CTNNA2: variants seen among roughly 807,000 people sequenced by gnomAD.
CTNNA2 encodes catenin alpha-2.
CTNNA2 carries 42 observed loss-of-function variants against 101.0 expected under a neutral mutation model. That is an observed-to-expected ratio of 0.42 (90% CI 0.32 to 0.54). CTNNA2 has a LOEUF of 0.54. Ranked by LOEUF, CTNNA2 falls within the 20% of genes least tolerant of loss-of-function variation. The pLI, the probability that CTNNA2 is intolerant of heterozygous loss-of-function variation, is 0.14. For missense variants in CTNNA2, 871 were observed against 1,223.1 expected, an observed-to-expected ratio of 0.71 and a Z score of 4.29; for synonymous variants, 450 against 456.4, an observed-to-expected ratio of 0.99 and a Z score of 0.18.
intron 18 of CTNNA2, among the ~76,000 whole-genome samples, chr2:80,633,239 A>G (rs377320485): frequency 6.6e-6 from 1 of 152,198 alleles, no homozygotes; most frequent in Admixed American, 6.6e-5. Flanking sequence ...TTTTTGATAA[A>G]TAAGTGGTAT....
At chr2:80,515,384 A>AT (rs1419066272) in intron 9 of CTNNA2, among the ~76,000 whole-genome samples, 1 of 152,178 alleles carries the variant, frequency 6.6e-6, no homozygotes, top group Non-Finnish European at 1.5e-5. Flanking sequence ...CAGAAGAAGG[A>AT]TTTTCACAAT....
At chr2:79,796,782 C>T (rs1017318132) in intron 3 of CTNNA2, among the ~76,000 whole-genome samples, 12 of 152,184 alleles carry the variant, frequency 7.9e-5, no homozygotes, top group African/African-American at 2.2e-4. Flanking sequence ...ACTAGGAATG[C>T]AAATGCAGAT....
intron 1 of CTNNA2, among the ~76,000 whole-genome samples, chr2:79,639,204 T>C (rs1433540813): frequency 6.6e-6 from 1 of 152,160 alleles, no homozygotes; most frequent in East Asian, 1.9e-4. Context: ...TGGTGAATGG[T>C]TCCTGCTTTT....
At chr2:79,446,357 A>G (rs1678833079) in intron 4 of CTNNA2, among the ~76,000 whole-genome samples, 1 of 152,010 alleles carries the variant, frequency 6.6e-6, no homozygotes, top group Admixed American at 6.6e-5. Flanking sequence ...TTTTCTAAGG[A>G]TTTGTTTTAC....
At chr2:79,616,250 T>G (rs1048937004) in intron 1 of CTNNA2, among the ~76,000 whole-genome samples, 4 of 152,118 alleles carry the variant, frequency 2.6e-5, no homozygotes, top group South Asian at 2.1e-4. Context: ...TTTTTTAAAG[T>G]AGCAATTCAA....
At chr2:79,833,093 T>C (rs1679050821) in intron 3 of CTNNA2, among the ~76,000 whole-genome samples, 1 of 152,196 alleles carries the variant, frequency 6.6e-6, no homozygotes, top group Non-Finnish European at 1.5e-5. Flanking sequence ...AGGCATGTGA[T>C]TACCTGGACT....
intron 2 of CTNNA2, among the ~76,000 whole-genome samples, chr2:79,256,633 A>G (rs1425141350): frequency 1.3e-5 from 2 of 152,184 alleles, no homozygotes; most frequent in Admixed American, 6.5e-5. Context: ...ACAAGTTTGT[A>G]TTGATCTCAT....
intron 2 of CTNNA2, among the ~76,000 whole-genome samples, chr2:79,287,936 G>C (rs1484609170): frequency 6.6e-6 from 1 of 152,254 alleles, no homozygotes; most frequent in Non-Finnish European, 1.5e-5. Flanking sequence ...CCAGGTGCGG[G>C]ATATAATCTC....
chr2:79,814,718 G>A (rs115416830), intron 3 of CTNNA2, among the ~76,000 whole-genome samples: 13,675 of 151,936 alleles, frequency 0.09, 921 homozygotes, highest in African/African-American at 0.19. Flanking sequence ...ATTCAATTGT[G>A]AATTGTGCTG....
chr2:79,653,036 A>G (rs1681368190), intron 2 of CTNNA2, among the ~76,000 whole-genome samples: 1 of 152,154 alleles, frequency 6.6e-6, no homozygotes, highest in Admixed American at 6.5e-5. Context: ...CCAAAATGCA[A>G]TGGAGGGACA....
chr2:79,982,238 A>G (rs181165666), intron 7 of CTNNA2, among the ~76,000 whole-genome samples: 2,167 of 89,514 alleles, frequency 0.024, 64 homozygotes, highest in Non-Finnish European at 0.029. Context: ...ATATATATAT[A>G]TATGTATGTA....
At position 79,190,532 on chromosome 2, in the gene CTNNA2, A is replaced by G. The variant is rs150407389; in HGVS notation, c.-524+5101A>G. Among the ~76,000 whole-genome samples, 680 of 152,152 alleles carry G rather than the reference A, an allele frequency of 4.5e-3. 4 individuals carry two copies. The highest frequency in any genetic ancestry group is 0.016 in the African/African-American group (657 of 41,506). On this transcript the variant is annotated intron_variant, in intron 1 of 21. Transcript: ENST00000466387. ...ACAAATGTTTTCTTTCCTTTTCAATAATTGTCATTAGCTTGACCTTTCTGA... is the reference window on the plus strand; with the variant it reads ...ACAAATGTTTTCTTTCCTTTTCAATGATTGTCATTAGCTTGACCTTTCTGA...
chr2:79,209,776 A>G (rs1228243498), intron 2 of CTNNA2, among the ~76,000 whole-genome samples: 1 of 31,226 alleles, frequency 3.2e-5, no homozygotes, highest in Non-Finnish European at 5.3e-5. Flanking sequence ...GCCCAACTAC[A>G]TCAGTTCCCT....
intron 4 of CTNNA2, among the ~76,000 whole-genome samples, chr2:79,391,455 T>C (rs1678170665): frequency 6.6e-6 from 1 of 152,226 alleles, no homozygotes; most frequent in Non-Finnish European, 1.5e-5. Flanking sequence ...GAATACAGTA[T>C]ATATAAAAAA....
At chr2:80,407,080 A>G (rs1679138616) in intron 8 of CTNNA2, among the ~76,000 whole-genome samples, 1 of 152,144 alleles carries the variant, frequency 6.6e-6, no homozygotes, top group South Asian at 2.1e-4. Context: ...CTACTCTTCC[A>G]TGTAACTTTC....
chr2:79,894,051 TTCTTCTTCTTCTTCC>T (rs1191310724), intron 6 of CTNNA2, among the ~76,000 whole-genome samples: 23 of 110,660 alleles, frequency 2.1e-4, no homozygotes, highest in African/African-American at 4.5e-4. Flanking sequence ...CTTCTTCTTC[TTCTTCTTCTTCTTCC>T]TCCTCCTCCT....
At position 79,753,810 on chromosome 2, in the gene CTNNA2, A is replaced by G. The variant is rs192671091; in HGVS notation, c.298+9228A>G. 2.2e-3 allele frequency among the ~76,000 whole-genome samples: 333 copies of G among 151,814 alleles called. 3 individuals carry two copies. Among genetic ancestry groups the G allele is most frequent in the African/African-American group, 7.4e-3 (305 of 41,438 alleles). On this transcript the variant is annotated intron_variant, in intron 3 of 18. Coordinates refer to ENST00000402739, the MANE Select transcript of CTNNA2 (RefSeq NM_001282597.3). ...TTTTCTTTGTTATGACATAACCTCAAATGTGAAGTGATATGGTGATATCAA... is the reference window on the plus strand; with the variant it reads ...TTTTCTTTGTTATGACATAACCTCAGATGTGAAGTGATATGGTGATATCAA...
chr2:80,149,774 TCACACACACACACACACACACACACA>T (rs10595115), intron 7 of CTNNA2, among the ~76,000 whole-genome samples: 2 of 143,298 alleles, frequency 1.4e-5, no homozygotes, highest in African/African-American at 5.2e-5. Flanking sequence ...TTAGAATGGA[TCACACACACACACACACACACACACA>T]CACACACACA....
intron 9 of CTNNA2, among the ~76,000 whole-genome samples, chr2:80,543,579 A>G (rs78249324): frequency 0.015 from 2,320 of 152,300 alleles, 61 homozygotes; most frequent in African/African-American, 0.052. Flanking sequence ...GTAATCTTTA[A>G]AAGTATTCTA....
Sources: allele counts gnomAD v4.1 joint callset (sites outside exome capture counted in the v4.1 genomes callset), GRCh38; gene constraint gnomAD v4.1.1; transcripts MANE v1.5; gene names NCBI Gene and HGNC (gene_info 2026-07-23, HGNC 2026-07-21).